LRRC4B: variants seen among roughly 807,000 people sequenced by gnomAD.
LRRC4B encodes the protein leucine rich repeat containing 4B.
A neutral mutation model predicts 7.3 loss-of-function variants in LRRC4B; 1 was observed. The observed-to-expected ratio is 0.14, with a 90% CI of 0.05 to 0.65. The LOEUF (loss-of-function observed/expected upper bound fraction) is 0.65. LRRC4B is among the 30% of genes least tolerant of loss of function. The pLI, the probability that LRRC4B is intolerant of heterozygous loss-of-function variation, is 0.84. For missense variants in LRRC4B, 730 were observed against 1,041.6 expected (o/e 0.70, Z 4.12); for synonymous variants, 500 against 499.2 (o/e 1.00, Z -0.02).
intron 2 of LRRC4B, among the ~76,000 whole-genome samples, chr19:50,521,783 CT>C (rs1254294066): frequency 6.6e-6 from 1 of 151,398 alleles, no homozygotes; most frequent in Non-Finnish European, 1.5e-5. Flanking sequence ...TGTTCTTGAA[CT>C]CCCAATCTGA....
rs1491350942 is a variant in LRRC4B, at chr19:50,558,226, CAT to C, written c.-35-9355_-35-9354del. Among the ~76,000 whole-genome samples, 128 of 145,476 alleles carry C rather than the reference CAT, an allele frequency of 8.8e-4. 1 individual carries two copies. Among genetic ancestry groups the C allele is most frequent in the Non-Finnish European group, 1.0e-3 (66 of 66,324 alleles). On this transcript the variant is annotated intron_variant, in intron 1 of 2. Transcript: ENST00000652263. The stretch of plus-strand genomic sequence containing the variant: ...ACACACACACACACACACACACACA[CAT>C]ACACACACACATACATACATACACA...
chr19:50,537,876 T>TA lies in LRRC4B; in HGVS notation c.297+10665dup, dbSNP rs1025071553. On this transcript the variant is annotated intron_variant, in intron 2 of 2. Coordinates refer to ENST00000652263, the MANE Select transcript of LRRC4B (RefSeq NM_001080457.2). This position sits in a 1 kb window ranked among gnomAD's most constrained non-coding sequence, Gnocchi z 5.5. ...GAATGAGAGCCAGGGAGGCCGCAGT[T>TA]AGACACGAAGTCTCAGCAGCCCGGG... 3.7e-4 allele frequency among the ~76,000 whole-genome samples: 56 copies of TA among 152,124 alleles called. No homozygotes were observed. The highest frequency in any genetic ancestry group is 1.3e-3 in the African/African-American group (55 of 41,500).
At chr19:50,547,011 G>C (rs543956991) in intron 2 of LRRC4B, among the ~76,000 whole-genome samples, 1 of 152,172 alleles carries the variant, frequency 6.6e-6, no homozygotes, top group African/African-American at 2.4e-5. Flanking sequence ...CGGTGCTGCC[G>C]GTGTCTGTTG....
At chr19:50,525,824 G>T (rs1307708662) in intron 2 of LRRC4B, among the ~76,000 whole-genome samples, 1 of 151,910 alleles carries the variant, frequency 6.6e-6, no homozygotes, top group Non-Finnish European at 1.5e-5. Context: ...CATGCCAATG[G>T]CCCCAGCTGC....
rs112175911 is a variant in LRRC4B, at chr19:50,525,157, C to T, written c.298-5742G>A. Among the ~76,000 whole-genome samples the T allele has an allele frequency of 5.0e-3, 764 of 152,278 alleles. 4 individuals are homozygous for T. Among genetic ancestry groups the T allele is most frequent in the African/African-American group, 0.018 (736 of 41,556 alleles). ...AGCCCTGTTCAAATCCCGCCTCCCC[C>T]GTCCTGGTTGTAGGGCCTGTCACTT... On this transcript the variant is annotated intron_variant, in intron 2 of 2. Transcript: ENST00000652263.
intron 1 of LRRC4B, among the ~76,000 whole-genome samples, chr19:50,549,357 C>T (rs1380606876): frequency 6.6e-6 from 1 of 152,220 alleles, no homozygotes; most frequent in African/African-American, 2.4e-5. Flanking sequence ...GGTCCCCTTG[C>T]CACCTGCGTG....
At chr19:50,557,270 C>T (rs898776174) in intron 1 of LRRC4B, among the ~76,000 whole-genome samples, 5 of 152,110 alleles carry the variant, frequency 3.3e-5, no homozygotes, top group African/African-American at 1.2e-4. Flanking sequence ...GGATGTGGGG[C>T]GGGAAGCAGT....
chr19:50,530,565 AG>A (rs1400635712), intron 2 of LRRC4B, among the ~76,000 whole-genome samples: 1 of 152,142 alleles, frequency 6.6e-6, no homozygotes, highest in Non-Finnish European at 1.5e-5. Flanking sequence ...GCAGGCCTGC[AG>A]GTGCAGAGGT....
rs146140993 is a variant in LRRC4B, at chr19:50,551,520, C to G, written c.-35-2647G>C. On this transcript the variant is annotated intron_variant, in intron 1 of 2. Transcript: ENST00000652263. Reference sequence around the variant, plus strand: ...CTCCTTTCTCTCCACCCACCGACCCCAGCCCCCTTAACTCTCTCTCTGCCC... The same window carrying G: ...CTCCTTTCTCTCCACCCACCGACCCGAGCCCCCTTAACTCTCTCTCTGCCC... Among the ~76,000 whole-genome samples, 876 of 141,804 alleles carry G rather than the reference C, an allele frequency of 6.2e-3. 8 individuals carry two copies. The highest frequency in any genetic ancestry group is 0.014 in the Middle Eastern group (4 of 280). The allele number at this position is 141,804 out of a possible 152,430, so 93.0% of individuals were successfully genotyped here. A position where few individuals can be genotyped will look rare whatever the true frequency, so the allele number is the denominator to read the frequency against.
chr19:50,564,533 G>A (rs2058235881), intron 1 of LRRC4B, among the ~76,000 whole-genome samples: 1 of 151,968 alleles, frequency 6.6e-6, no homozygotes, highest in African/African-American at 2.4e-5. Context: ...GGTGGGAGAG[G>A]GAAAGACTGA....
chr19:50,558,200 T>TATACACAC (rs1555809634), intron 1 of LRRC4B, among the ~76,000 whole-genome samples: 1 of 147,592 alleles, frequency 6.8e-6, no homozygotes, highest in Admixed American at 6.8e-5. Context: ...ACTGTATACA[T>TATACACAC]ACACACACAC....
At chr19:50,560,785 T>C (rs1338056117) in intron 1 of LRRC4B, among the ~76,000 whole-genome samples, 2 of 152,142 alleles carry the variant, frequency 1.3e-5, no homozygotes, top group African/African-American at 2.4e-5. Flanking sequence ...GACAGCTACA[T>C]TAAAAGTTAT....
At chr19:50,538,569 T>G (rs1415747099) in intron 2 of LRRC4B, among the ~76,000 whole-genome samples, 1 of 121,132 alleles carries the variant, frequency 8.3e-6, no homozygotes, top group South Asian at 2.3e-4. Flanking sequence ...GTTTTTTTTT[T>G]TTTTTTTTTT....
chr19:50,561,367 T>C (rs1457306138), intron 1 of LRRC4B, among the ~76,000 whole-genome samples: 1 of 152,050 alleles, frequency 6.6e-6, no homozygotes, highest in African/African-American at 2.4e-5. Context: ...TCCTTTCCCT[T>C]CTGGTGCTTG....
intron 2 of LRRC4B, among the ~76,000 whole-genome samples, chr19:50,535,402 C>T (rs1462109180): frequency 2.0e-5 from 3 of 151,932 alleles, no homozygotes; most frequent in Non-Finnish European, 2.9e-5. Flanking sequence ...CAACTCCTGA[C>T]CTCAGGTGAT....
intron 1 of LRRC4B, among the ~76,000 whole-genome samples, chr19:50,559,818 A>C (rs1232391389): frequency 6.6e-6 from 1 of 152,236 alleles, no homozygotes; most frequent in East Asian, 1.9e-4. Context: ...ATGTGTGTCC[A>C]GCTGTCTGGG....
intron 1 of LRRC4B, among the ~76,000 whole-genome samples, chr19:50,550,366 A>G (rs532448596): frequency 6.6e-6 from 1 of 152,176 alleles, no homozygotes; most frequent in South Asian, 2.1e-4. Context: ...CATTCCCAAG[A>G]GACCAGGAGG....
At chr19:50,542,731 C>G (rs1294271857) in intron 2 of LRRC4B, among the ~76,000 whole-genome samples, 1 of 152,104 alleles carries the variant, frequency 6.6e-6, no homozygotes, top group Non-Finnish European at 1.5e-5. Context: ...CCTGCCTCAG[C>G]CTTCCAAAGT....
chr19:50,525,033 C>T (rs1271108427), intron 2 of LRRC4B, among the ~76,000 whole-genome samples: 1 of 152,228 alleles, frequency 6.6e-6, no homozygotes, highest in Non-Finnish European at 1.5e-5. Flanking sequence ...CCGGAGCCTG[C>T]GCCCCTCCCC....
Sources: allele counts gnomAD v4.1 joint callset (sites outside exome capture counted in the v4.1 genomes callset), GRCh38; gene constraint gnomAD v4.1.1; non-coding constraint Gnocchi (gnomAD v3.1); transcripts MANE v1.5; gene names NCBI Gene and HGNC (gene_info 2026-07-23, HGNC 2026-07-21).